The following CEP57L1 variants were observed in gnomAD, a reference collection of about 807,000 sequenced individuals.
The protein encoded by CEP57L1 is centrosomal protein CEP57L1.
In CEP57L1, 37 loss-of-function variants were observed where a neutral mutation model predicts 61.0. The ratio of observed to expected loss-of-function variants is 0.61; its 90% CI spans 0.47 to 0.80. The LOEUF (loss-of-function observed/expected upper bound fraction) is 0.80. Among genes scored for constraint, CEP57L1 ranks in the 30% least tolerant of loss-of-function variants. CEP57L1 has a pLI of 0.00. For missense variants in CEP57L1, 422 were observed against 524.7 expected, an observed-to-expected ratio of 0.80 and a Z score of 1.91; for synonymous variants, 137 against 162.3, an observed-to-expected ratio of 0.84 and a Z score of 1.19.
At position 109,155,249 on chromosome 6, in the gene CEP57L1, A is replaced by T; in HGVS notation, c.599A>T (p.Glu200Val). The T allele has an allele frequency of 6.3e-7, 1 of 1,591,508 alleles. No homozygotes were observed. Among genetic ancestry groups the T allele is most frequent in the Non-Finnish European group, 8.6e-7 (1 of 1,167,540 alleles). ...TTGCAGGACAAGATTAAACATTTAG[A>T]AGAAAAACTTAAGGAAGAAGAACAT... ...KTAEDKIKHLEEKLKEEEHQR... is the reference protein window; with the variant it reads ...KTAEDKIKHLVEKLKEEEHQR... Residue 200 changes from glutamate (E) to valine (V), a missense_variant, in exon 6 of 11, where the codon GAA (glutamate) becomes GTA (valine). Glu to Val is a moderately radical substitution (Grantham distance 121). Transcript: ENST00000517392.
chr6:109,157,752 A>AT (rs1180941850), intron 7 of CEP57L1: 2 of 152,220 alleles, frequency 1.3e-5, no homozygotes, highest in African/African-American at 4.8e-5. Flanking sequence ...TTCTATAAAC[A>AT]GGAACTATTG....
chr6:109,153,293 G>A lies in CEP57L1; in HGVS notation c.463-540G>A, dbSNP rs1302389507. 2.3e-5 allele frequency among the ~76,000 whole-genome samples: 3 copies of A among 132,594 alleles called. No individual in the cohort carries two copies. In the East Asian group the frequency reaches 6.9e-4, roughly 31 times the overall value. The allele number at this position is 132,594 out of a possible 152,430, so 87.0% of individuals were successfully genotyped here. A position where few individuals can be genotyped will look rare whatever the true frequency, so the allele number is the denominator to read the frequency against. On this transcript the variant is annotated intron_variant, in intron 4 of 10. Coordinates refer to ENST00000517392, the MANE Select transcript of CEP57L1 (RefSeq NM_001271852.3). ...GTCTCACTCTGTTGCCCAGACTGGA[G>A]TGCGGTAGCACAGTCACTGCTTACC...
intron 10 of CEP57L1, 115 bp downstream of exon 10, chr6:109,160,831 T>C: frequency 2.1e-6 from 2 of 963,102 alleles, no homozygotes; most frequent in Non-Finnish European, 2.9e-6. Context: ...AGTGAAAAGA[T>C]GGATGGTAAT....
At chr6:109,144,777 T>C (rs1771776916) in intron 1 of CEP57L1, among the ~76,000 whole-genome samples, 1 of 152,074 alleles carries the variant, frequency 6.6e-6, no homozygotes, top group African/African-American at 2.4e-5. Flanking sequence ...AAGCCATACA[T>C]TAGAATTCAA....
chr6:109,122,986 A>C (rs1773149848), intron 1 of CEP57L1, among the ~76,000 whole-genome samples: 1 of 152,156 alleles, frequency 6.6e-6, no homozygotes, highest in Non-Finnish European at 1.5e-5. Context: ...CAGTTGGATA[A>C]TTATCAAAAT....
chr6:109,108,095 C>A (rs1229585452), intron 1 of CEP57L1, among the ~76,000 whole-genome samples: 1 of 152,102 alleles, frequency 6.6e-6, no homozygotes, highest in Non-Finnish European at 1.5e-5. Flanking sequence ...CTAATTAGGA[C>A]AAGATCCCAG....
At position 109,100,547 on chromosome 6, in the gene CEP57L1, C is replaced by T. The variant is rs183509131; in HGVS notation, c.-4+4972C>T. Among the ~76,000 whole-genome samples, 1,087 of 151,366 alleles carry T rather than the reference C, an allele frequency of 7.2e-3. 10 individuals are homozygous for T. Among genetic ancestry groups the T allele is most frequent in the African/African-American group, 0.025 (1,016 of 41,188 alleles). On this transcript the variant is annotated intron_variant, in intron 1 of 10. Coordinates refer to ENST00000517392, the MANE Select transcript of CEP57L1 (RefSeq NM_001271852.3). ...AAAATTAGCCAGGCGTGGTGGTGGG[C>T]GCCTGTAATTCCAGCTACTTGGGAG...
At chr6:109,142,913 C>T (rs1562112655) in intron 1 of CEP57L1, among the ~76,000 whole-genome samples, 1 of 151,690 alleles carries the variant, frequency 6.6e-6, no homozygotes, top group Non-Finnish European at 1.5e-5. Context: ...CTGTTGCTCT[C>T]TCGCTTTCTC....
chr6:109,122,178 T>C (rs1352760996), intron 1 of CEP57L1, among the ~76,000 whole-genome samples: 1 of 152,200 alleles, frequency 6.6e-6, no homozygotes, highest in Non-Finnish European at 1.5e-5. Flanking sequence ...GCCTGAAAGA[T>C]TTTTTTGTTT....
chr6:109,152,219 C>T (rs1462944449), intron 4 of CEP57L1, among the ~76,000 whole-genome samples: 1 of 152,032 alleles, frequency 6.6e-6, no homozygotes, highest in South Asian at 2.1e-4. Context: ...TCACTCTTGT[C>T]GCCCAGGCTG....
chr6:109,147,432 G>A (rs1772089260), intron 3 of CEP57L1, among the ~76,000 whole-genome samples: 1 of 152,098 alleles, frequency 6.6e-6, no homozygotes, highest in Non-Finnish European at 1.5e-5. Context: ...GGAGGCTTCT[G>A]TGGAAATTAT....
At chr6:109,134,745 C>G (rs1355604742) in intron 1 of CEP57L1, among the ~76,000 whole-genome samples, 1 of 152,076 alleles carries the variant, frequency 6.6e-6, no homozygotes, top group Non-Finnish European at 1.5e-5. Context: ...GTGCAAAAAT[C>G]ACAAGCATTC....
chr6:109,110,109 C>T (rs538247099), intron 1 of CEP57L1, among the ~76,000 whole-genome samples: 17 of 152,014 alleles, frequency 1.1e-4, no homozygotes, highest in Admixed American at 4.6e-4. Flanking sequence ...CTTGAGGAAT[C>T]GCCACACTGT....
Position 109,169,385 on chromosome 6 carries a change from G to A in CEP57L1, c.*6415G>A, listed in dbSNP as rs1774303003. Among the ~76,000 whole-genome samples the A allele has an allele frequency of 6.6e-6, 1 of 152,150 alleles. No homozygotes were observed. Among genetic ancestry groups the A allele is most frequent in the Non-Finnish European group, 1.5e-5 (1 of 68,020 alleles). The stretch of plus-strand genomic sequence containing the variant: ...CTTTTAATAAGTATTCAGTGAGAAT[G>A]AATTTGAAGGGTGTGGAGAAAAGTG... On this transcript the variant is annotated 3_prime_UTR_variant, in exon 11 of 11. Coordinates refer to ENST00000517392, the MANE Select transcript of CEP57L1 (RefSeq NM_001271852.3).
At position 109,153,923 on chromosome 6, in the gene CEP57L1, C is replaced by T. The variant is rs1257281089; in HGVS notation, c.553C>T (p.Leu185Phe). ...TGTCTTAGAAAAAGAGTGTTTCAGA[C>T]TTACAACAACTCAGAAAACTGCTGA... ...LDVLEKECFR[L>F]TTTQKTAEDK... The change falls in exon 5 of 11, where the codon CTT becomes TTT. Residue 185 changes from leucine to phenylalanine, a missense_variant. Leu to Phe is a conservative substitution (Grantham distance 22). Transcript: ENST00000517392. 6.2e-7 allele frequency: 1 copy of T among 1,603,102 alleles called. No homozygotes were observed. Among genetic ancestry groups the T allele is most frequent in the Non-Finnish European group, 8.5e-7 (1 of 1,172,668 alleles).
At chr6:109,118,586 ACGTCACTGTAGT>A (rs1187775501) in intron 1 of CEP57L1, among the ~76,000 whole-genome samples, 2 of 152,230 alleles carry the variant, frequency 1.3e-5, no homozygotes, top group Non-Finnish European at 2.9e-5. Context: ...TGTGGGTCAA[ACGTCACTGTAGT>A]TAACATACTG....
intron 3 of CEP57L1, 94 bp downstream of exon 3, chr6:109,147,031 T>C: frequency 1.1e-6 from 1 of 936,258 alleles, no homozygotes; most frequent in South Asian, 1.8e-5. Context: ...CTCAGATATC[T>C]TTATTCTTAT....
intron 1 of CEP57L1, among the ~76,000 whole-genome samples, chr6:109,097,535 C>T (rs1781849907): frequency 6.6e-6 from 1 of 152,174 alleles, no homozygotes; most frequent in Non-Finnish European, 1.5e-5. Flanking sequence ...ATTTCACCCA[C>T]GCGTTTACTC....
Position 109,174,109 on chromosome 6 carries a change from A to AAAAC in CEP57L1, c.*11142_*11143insCAAA, listed in dbSNP as rs1554199812. ...AGTGAGTCTTGGTCTCAAAAAAAAA[A>AAAAC]AAAAACCTTGTGTTGGAAACCATCT... On this transcript the variant is annotated 3_prime_UTR_variant, in exon 11 of 11. Transcript: ENST00000517392. Among the ~76,000 whole-genome samples the AAAAC allele has an allele frequency of 6.7e-6, 1 of 148,280 alleles. No homozygotes were observed. Among genetic ancestry groups the AAAAC allele is most frequent in the Admixed American group, 6.7e-5 (1 of 14,938 alleles).
Sources: allele counts gnomAD v4.1 joint callset (sites outside exome capture counted in the v4.1 genomes callset), GRCh38; gene constraint gnomAD v4.1.1; transcripts MANE v1.5; gene names NCBI Gene and HGNC (gene_info 2026-07-23, HGNC 2026-07-21).